SRD5A2: variants seen among roughly 807,000 people sequenced by gnomAD.
SRD5A2 encodes steroid 5 alpha-reductase 2.
SRD5A2 carries 30 observed loss-of-function variants against 27.4 expected under a neutral mutation model. The ratio of observed to expected loss-of-function variants is 1.10; its 90% CI spans 0.82 to 1.49. The LOEUF (loss-of-function observed/expected upper bound fraction) is 1.49. Ranked by LOEUF, SRD5A2 falls within the 40% of genes most tolerant of loss-of-function variation. SRD5A2 has a pLI of 0.00. For missense variants in SRD5A2, 348 were observed against 323.4 expected (o/e 1.08, Z -0.58); for synonymous variants, 141 against 133.6 (o/e 1.06, Z -0.38).
intron 2 of SRD5A2, among the ~76,000 whole-genome samples, chr2:31,532,881 G>A (rs1273569660): frequency 6.6e-6 from 1 of 152,006 alleles, no homozygotes; most frequent in Non-Finnish European, 1.5e-5. Flanking sequence ...AAGTCCCTTT[G>A]AGGAGGTGCA....
chr2:31,642,930 T>C, the SRD5A2 span, among the ~76,000 whole-genome samples: 1 of 152,058 alleles, frequency 6.6e-6, no homozygotes, highest in Admixed American at 6.5e-5. Flanking sequence ...AAAAAGTATA[T>C]ATTCAGTGCT....
chr2:31,638,650 A>T, the SRD5A2 span, among the ~76,000 whole-genome samples: 1 of 151,832 alleles, frequency 6.6e-6, no homozygotes, highest in African/African-American at 2.4e-5. Flanking sequence ...CTCTTGCTGT[A>T]TTGACCGCTT....
chr2:31,583,006 G>C (rs555972193), upstream of SRD5A2, among the ~76,000 whole-genome samples: 1 of 152,038 alleles, frequency 6.6e-6, no homozygotes. Flanking sequence ...TTGTCCTCAT[G>C]ATCTTTTCTC....
At chr2:31,598,163 T>C in the SRD5A2 span, among the ~76,000 whole-genome samples, 10 of 152,112 alleles carry the variant, frequency 6.6e-5, no homozygotes, top group South Asian at 2.1e-4. Context: ...CTGGATGTAG[T>C]TGGATACCAT....
intron 1 of SRD5A2, among the ~76,000 whole-genome samples, chr2:31,580,362 G>A (rs1402079664): frequency 6.6e-6 from 1 of 152,174 alleles, no homozygotes; most frequent in Non-Finnish European, 1.5e-5. Flanking sequence ...GCAGCCAGAG[G>A]ATTTGGAGCT....
the SRD5A2 span, among the ~76,000 whole-genome samples, chr2:31,629,773 A>C: frequency 1.3e-5 from 2 of 152,092 alleles, no homozygotes; most frequent in Non-Finnish European, 2.9e-5. Context: ...TCTGACCCTT[A>C]CCTCCTGGGT....
the SRD5A2 span, among the ~76,000 whole-genome samples, chr2:31,594,440 G>T: frequency 6.6e-6 from 1 of 151,990 alleles, no homozygotes; most frequent in African/African-American, 2.4e-5. Flanking sequence ...AACAATAACA[G>T]TTTAAAAAGA....
the SRD5A2 span, among the ~76,000 whole-genome samples, chr2:31,661,949 C>T: frequency 3.3e-5 from 5 of 152,128 alleles, no homozygotes; most frequent in Non-Finnish European, 7.4e-5. Context: ...CTACTAATCT[C>T]ATCCAATTTT....
At chr2:31,553,358 T>C (rs1265187882) in intron 1 of SRD5A2, among the ~76,000 whole-genome samples, 1 of 152,160 alleles carries the variant, frequency 6.6e-6, no homozygotes, top group Non-Finnish European at 1.5e-5. Flanking sequence ...AAAAAGCTTA[T>C]TTAAAGAAAC....
the SRD5A2 span, among the ~76,000 whole-genome samples, chr2:31,655,954 T>C: frequency 1.3e-5 from 2 of 151,984 alleles, no homozygotes; most frequent in Non-Finnish European, 2.9e-5. Flanking sequence ...AAACAGAAAA[T>C]AGTCCACCCA....
At chr2:31,549,373 A>G (rs1666338040) in intron 1 of SRD5A2, among the ~76,000 whole-genome samples, 1 of 151,788 alleles carries the variant, frequency 6.6e-6, no homozygotes. Flanking sequence ...CGGCCTTCCA[A>G]AGTGCTGGGA....
the SRD5A2 span, among the ~76,000 whole-genome samples, chr2:31,594,294 G>A: frequency 3.9e-5 from 6 of 152,250 alleles, no homozygotes; most frequent in East Asian, 9.6e-4. Flanking sequence ...AGTATCTGCT[G>A]TCTTTAAGAG....
chr2:31,552,170 C>T (rs1355527979), intron 1 of SRD5A2, among the ~76,000 whole-genome samples: 1 of 150,350 alleles, frequency 6.7e-6, no homozygotes, highest in African/African-American at 2.5e-5. Context: ...AATATACACA[C>T]CAAAATACCT....
At chr2:31,622,808 C>T in the SRD5A2 span, among the ~76,000 whole-genome samples, 1 of 152,086 alleles carries the variant, frequency 6.6e-6, no homozygotes, top group African/African-American at 2.4e-5. Context: ...AGCTGGTCAT[C>T]ACCGGTTGTT....
At chr2:31,639,345 G>A in the SRD5A2 span, among the ~76,000 whole-genome samples, 2 of 151,992 alleles carry the variant, frequency 1.3e-5, no homozygotes, top group Non-Finnish European at 2.9e-5. Flanking sequence ...AATCTTTTGA[G>A]CTTCATACTA....
At chr2:31,603,220 A>C in the SRD5A2 span, among the ~76,000 whole-genome samples, 2 of 149,164 alleles carry the variant, frequency 1.3e-5, no homozygotes, top group Non-Finnish European at 3.0e-5. Context: ...AAATTTACAA[A>C]AAATTAAAAG....
intron 1 of SRD5A2, among the ~76,000 whole-genome samples, chr2:31,539,831 G>A (rs1666095082): frequency 1.3e-5 from 2 of 152,070 alleles, no homozygotes; most frequent in South Asian, 2.1e-4. Context: ...AGGACTAACA[G>A]GGAGCCAAAA....
the SRD5A2 span, among the ~76,000 whole-genome samples, chr2:31,598,668 A>G: frequency 6.6e-6 from 1 of 151,958 alleles, no homozygotes; most frequent in African/African-American, 2.4e-5. Flanking sequence ...AACTTACAAT[A>G]GATAAACAAA....
At chr2:31,564,335 G>T (rs1228197752) in intron 1 of SRD5A2, among the ~76,000 whole-genome samples, 2 of 150,566 alleles carry the variant, frequency 1.3e-5, no homozygotes, top group Non-Finnish European at 3.0e-5. Flanking sequence ...TGAACTTGAA[G>T]AATAGCAATA....
Sources: allele counts gnomAD v4.1 joint callset (sites outside exome capture counted in the v4.1 genomes callset), GRCh38; gene constraint gnomAD v4.1.1; transcripts MANE v1.5; gene names NCBI Gene and HGNC (gene_info 2026-07-23, HGNC 2026-07-21).